CEP170: variants seen among roughly 807,000 people sequenced by gnomAD.
CEP170 encodes centrosomal protein of 170 kDa.
In CEP170, 21 loss-of-function variants were observed where a neutral mutation model predicts 151.9. The observed-to-expected ratio is 0.14, with a 90% CI of 0.10 to 0.20. The LOEUF (loss-of-function observed/expected upper bound fraction) is 0.20, where lower values mean the gene tolerates loss of function less well. Among genes scored for constraint, CEP170 ranks in the 10% least tolerant of loss-of-function variants. The probability of loss-of-function intolerance (pLI) is 1.00; values close to 1 mark genes in which losing one functional copy is unlikely to be tolerated. For missense variants in CEP170, 964 were observed against 1,892.9 expected (o/e 0.51, Z 9.11); for synonymous variants, 356 against 648.8 (o/e 0.55, Z 6.86).
At chr1:243,166,984 AAT>A (rs2058488406) in intron 12 of CEP170, among the ~76,000 whole-genome samples, 1 of 152,090 alleles carries the variant, frequency 6.6e-6, no homozygotes, top group South Asian at 2.1e-4. Context: ...CTTAAACCTA[AAT>A]ATATTGCTCT....
chr1:243,179,148 C>T (rs1466752790), intron 10 of CEP170, among the ~76,000 whole-genome samples: 1 of 152,180 alleles, frequency 6.6e-6, no homozygotes, highest in African/African-American at 2.4e-5. Context: ...CTCTTCCCTC[C>T]CATCACTTCC....
chr1:243,209,277 C>G (rs1315836019), intron 4 of CEP170, among the ~76,000 whole-genome samples: 1 of 152,040 alleles, frequency 6.6e-6, no homozygotes, highest in Admixed American at 6.5e-5. Flanking sequence ...CTCCGCCTCC[C>G]AGGTTCAAAC....
At chr1:243,172,381 T>A (rs2058910313) in intron 11 of CEP170, among the ~76,000 whole-genome samples, 1 of 152,342 alleles carries the variant, frequency 6.6e-6, no homozygotes, top group South Asian at 2.1e-4. Flanking sequence ...ATGCCTGTAA[T>A]CCTCGCACCA....
intron 16 of CEP170, among the ~76,000 whole-genome samples, chr1:243,138,152 G>A (rs1257088805): frequency 6.6e-6 from 1 of 152,186 alleles, no homozygotes; most frequent in Non-Finnish European, 1.5e-5. Flanking sequence ...TATCAACCTT[G>A]AGATAACTAT....
intron 3 of CEP170, among the ~76,000 whole-genome samples, chr1:243,219,345 T>C (rs965166147): frequency 2.0e-5 from 3 of 152,326 alleles, no homozygotes; most frequent in South Asian, 2.1e-4. Context: ...ATGAGGAAAC[T>C]GAATTTCAGA....
chr1:243,185,412 T>C lies in CEP170; in HGVS notation c.1566+367A>G, dbSNP rs563145595. Among the ~76,000 whole-genome samples, 178 of 152,342 alleles carry C rather than the reference T, an allele frequency of 1.2e-3. 1 individual carries two copies. The highest frequency in any genetic ancestry group is 4.0e-3 in the African/African-American group (168 of 41,576). On this transcript the variant is annotated intron_variant, in intron 10 of 19. Transcript: ENST00000366542. This position sits in a 1 kb window ranked among gnomAD's most constrained non-coding sequence, Gnocchi z 4.9. ...TAACTATTATTGGCTAATATCTACA[T>C]TTATGTTAACAGAGTTATAGCAATG...
At chr1:243,223,185 A>AT (rs1558636974) in intron 2 of CEP170, among the ~76,000 whole-genome samples, 1 of 152,204 alleles carries the variant, frequency 6.6e-6, no homozygotes, top group East Asian at 1.9e-4. Flanking sequence ...TTTCAAGTAC[A>AT]TGTAGGCTCT....
intron 1 of CEP170, among the ~76,000 whole-genome samples, chr1:243,247,822 C>T (rs2065563706): frequency 6.6e-6 from 1 of 152,210 alleles, no homozygotes; most frequent in South Asian, 2.1e-4. Flanking sequence ...AAATCTAACA[C>T]TATCAAGTTG....
In CEP170 at chr1:243,165,922, T is replaced by C. The variant is rs772802243; in HGVS notation, c.2038A>G (p.Lys680Glu). 1 of 1,613,794 alleles carries C rather than the reference T, an allele frequency of 6.2e-7. No individual in the cohort carries two copies. The highest frequency in any genetic ancestry group is 8.5e-7 in the Non-Finnish European group (1 of 1,179,720). The change falls in exon 13 of 20, where the codon AAA (lysine) becomes GAA (glutamate). Residue 680 changes from lysine to glutamate, a missense_variant. Coordinates refer to ENST00000366542, the MANE Select transcript of CEP170 (RefSeq NM_014812.3). Reference sequence around the variant, plus strand: ...TGGTATACCTGTGTAGGTGTTTCTTTCTCCTGAAGTTCTGTGTCTTGTTTT... The same window carrying C: ...TGGTATACCTGTGTAGGTGTTTCTTCCTCCTGAAGTTCTGTGTCTTGTTTT... ...GEKQDTELQE[K>E]ETPTQVYQKD...
At chr1:243,216,559 T>A (rs987535578) in intron 3 of CEP170, among the ~76,000 whole-genome samples, 1 of 152,200 alleles carries the variant, frequency 6.6e-6, no homozygotes, top group Non-Finnish European at 1.5e-5. Flanking sequence ...TACAGTAAAA[T>A]ACTTAAAGGG....
chr1:243,202,238 G>A (rs867016011), intron 4 of CEP170, among the ~76,000 whole-genome samples: 6 of 152,142 alleles, frequency 3.9e-5, no homozygotes, highest in South Asian at 2.1e-4. Flanking sequence ...TTCCAAGTGG[G>A]ACCTAAGCTA....
chr1:243,161,677 A>G (rs1211699560), intron 13 of CEP170, among the ~76,000 whole-genome samples: 1 of 151,998 alleles, frequency 6.6e-6, no homozygotes, highest in East Asian at 1.9e-4. Context: ...TGGAATTGGA[A>G]ACATTATGGA....
At chr1:243,199,503 G>A (rs1387831129) in intron 6 of CEP170, among the ~76,000 whole-genome samples, 1 of 151,976 alleles carries the variant, frequency 6.6e-6, no homozygotes, top group Non-Finnish European at 1.5e-5. Flanking sequence ...TGTAACAAAT[G>A]GCATTTTACT....
chr1:243,226,203 A>C (rs200678685), intron 1 of CEP170, among the ~76,000 whole-genome samples: 1 of 15,396 alleles, frequency 6.5e-5, no homozygotes. Flanking sequence ...ATCTAGATAT[A>C]TATATATCTA....
intron 3 of CEP170, 119 bp downstream of exon 3, chr1:243,221,605 T>G: frequency 2.0e-6 from 2 of 1,025,466 alleles, no homozygotes; most frequent in Non-Finnish European, 1.4e-6. Context: ...TGATAAGCAT[T>G]TGAAAATAAC....
rs751388751 is a variant in CEP170 at position 243,210,608 on chromosome 1, A to ATTTTTTT, written c.274+1271_274+1277dup. Among the ~76,000 whole-genome samples the ATTTTTTT allele has an allele frequency of 2.3e-3, 157 of 67,944 alleles. 5 individuals carry two copies. Among genetic ancestry groups the ATTTTTTT allele is most frequent in the East Asian group, 3.0e-3 (6 of 1,980 alleles). The allele number at this position is 67,944 out of a possible 152,430, so 44.6% of individuals were successfully genotyped here. On this transcript the variant is annotated intron_variant, in intron 4 of 19. Coordinates refer to ENST00000366542, the MANE Select transcript of CEP170 (RefSeq NM_014812.3). ...AAAAATTGTAATATTATTTTTCGTA[A>ATTTTTTT]TTTTTTTTTTTTTTTTTTTTTTTTT...
intron 10 of CEP170, among the ~76,000 whole-genome samples, chr1:243,173,857 T>C (rs1378109282): frequency 6.6e-6 from 1 of 152,244 alleles, no homozygotes; most frequent in Non-Finnish European, 1.5e-5. Flanking sequence ...GTGACACTTG[T>C]TGAAAAACCA....
At chr1:243,250,859 G>C (rs978781637) in intron 1 of CEP170, among the ~76,000 whole-genome samples, 1 of 152,190 alleles carries the variant, frequency 6.6e-6, no homozygotes, top group Non-Finnish European at 1.5e-5. Flanking sequence ...TGTATGGCTT[G>C]AAATAAGGAA....
At chr1:243,224,663 T>A (rs186848656) in intron 2 of CEP170, among the ~76,000 whole-genome samples, 1 of 152,358 alleles carries the variant, frequency 6.6e-6, no homozygotes, top group East Asian at 1.9e-4. Context: ...GGATCCATTT[T>A]ACTTGGAGTA....
Sources: gnomAD v4.1 joint callset for allele counts (sites outside exome capture counted in the v4.1 genomes callset) on GRCh38, gnomAD v4.1.1 for gene constraint, Gnocchi (gnomAD v3.1) non-coding constraint, MANE v1.5 for transcripts, NCBI Gene and HGNC (gene_info 2026-07-23, HGNC 2026-07-21) for gene names.